The following KSR2 variants were observed in gnomAD, a reference collection of about 807,000 sequenced individuals.
The protein encoded by KSR2 is kinase suppressor of ras 2.
In KSR2, 25 loss-of-function variants were observed where a neutral mutation model predicts 107.8. The ratio of observed to expected loss-of-function variants is 0.23; its 90% CI spans 0.17 to 0.32. The LOEUF (loss-of-function observed/expected upper bound fraction) is 0.32, where lower values mean the gene tolerates loss of function less well. Ranked by LOEUF, KSR2 falls within the 10% of genes least tolerant of loss-of-function variation. KSR2 has a pLI of 1.00. For synonymous variants in KSR2, 480 were observed against 507.0 expected (o/e 0.95, Z 0.71); for missense variants, 887 against 1,268.9 (o/e 0.70, Z 4.57).
At chr12:117,469,979 A>G (rs181289532) in intron 18 of KSR2, among the ~76,000 whole-genome samples, 184 bp from the exon 19 acceptor site, 3 of 149,142 alleles carry the variant, frequency 2.0e-5, no homozygotes, top group East Asian at 4.0e-4. Flanking sequence ...TACCCATCCA[A>G]TCAATTCACT....
intron 4 of KSR2, among the ~76,000 whole-genome samples, chr12:117,668,229 T>C (rs760245295): frequency 3.9e-5 from 6 of 152,232 alleles, no homozygotes; most frequent in Non-Finnish European, 7.3e-5. Flanking sequence ...AAGCCTTCGG[T>C]AGGATCACAG....
intron 1 of KSR2, among the ~76,000 whole-genome samples, chr12:117,893,995 C>T (rs1315695574): frequency 2.6e-5 from 4 of 151,650 alleles, no homozygotes; most frequent in African/African-American, 9.7e-5. Context: ...CTGCAAGCTC[C>T]GCCTCCCGGG....
chr12:117,836,452 A>G (rs1892216879), intron 3 of KSR2, among the ~76,000 whole-genome samples: 2 of 152,224 alleles, frequency 1.3e-5, no homozygotes, highest in South Asian at 4.1e-4. Flanking sequence ...GAGCACAGCA[A>G]AGTCCCGCTC....
At chr12:117,941,766 C>A (rs1451502354) in intron 1 of KSR2, among the ~76,000 whole-genome samples, 1 of 146,162 alleles carries the variant, frequency 6.8e-6, no homozygotes, top group South Asian at 2.2e-4. Context: ...AGCTGGGACT[C>A]GGGCATGTGC....
chr12:117,639,619 C>T (rs1878421), intron 5 of KSR2, among the ~76,000 whole-genome samples: 24,673 of 132,228 alleles, frequency 0.19, 2,147 homozygotes, highest in Middle Eastern at 0.24. Flanking sequence ...CATGAGCCAC[C>T]GCACCCAGCG....
At chr12:117,493,960 C>T (rs1872881679) in intron 14 of KSR2, among the ~76,000 whole-genome samples, 1 of 152,184 alleles carries the variant, frequency 6.6e-6, no homozygotes, top group African/African-American at 2.4e-5. Flanking sequence ...CCTCCCCAGC[C>T]ATAGGGAACT....
intron 3 of KSR2, among the ~76,000 whole-genome samples, chr12:117,814,783 C>T (rs1213749348): frequency 6.6e-6 from 1 of 152,066 alleles, no homozygotes; most frequent in Admixed American, 6.6e-5. Flanking sequence ...GGGTCCTGAA[C>T]CATCTGTACT....
At chr12:117,666,773 C>T (rs1237229536) in intron 5 of KSR2, among the ~76,000 whole-genome samples, 1 of 152,206 alleles carries the variant, frequency 6.6e-6, no homozygotes, top group East Asian at 1.9e-4. Flanking sequence ...AAGTTGCTGT[C>T]TTGGCTGGAG....
intron 11 of KSR2, 86 bp from the exon 12 acceptor site, chr12:117,531,099 C>T: frequency 9.5e-7 from 1 of 1,057,600 alleles, no homozygotes; most frequent in Non-Finnish European, 1.5e-6. Context: ...ACATGGCAGC[C>T]AATTTTTCAC....
rs1330575608 is a variant in KSR2 at position 117,731,439 on chromosome 12, A to AG, written c.986+29571_986+29572insC. On this transcript the variant is annotated intron_variant, in intron 4 of 19. Transcript: ENST00000339824. ...GGTGGGGGGCAGCCCCCGCCCAGCC[A>AG]CCGCCCCGTCCGGGAGGTGGGGGGC... Among the ~76,000 whole-genome samples, 15 of 109,940 alleles carry AG rather than the reference A, an allele frequency of 1.4e-4. No individual in the cohort carries two copies. The South Asian group carries it at 2.2e-3, about 16-fold the overall frequency. The allele number at this position is 109,940 out of a possible 152,430, so 72.1% of individuals were successfully genotyped here.
chr12:117,483,540 G>C (rs1003304055), intron 16 of KSR2, among the ~76,000 whole-genome samples: 10 of 152,094 alleles, frequency 6.6e-5, no homozygotes, highest in Middle Eastern at 3.4e-3. Context: ...GAGAGAGAGA[G>C]AGCGAGAGAG....
intron 14 of KSR2, among the ~76,000 whole-genome samples, chr12:117,490,530 C>T (rs1326549649): frequency 6.6e-6 from 1 of 152,216 alleles, no homozygotes; most frequent in African/African-American, 2.4e-5. Flanking sequence ...ATTGGCACTA[C>T]ATTTCTTTCT....
intron 4 of KSR2, among the ~76,000 whole-genome samples, chr12:117,707,878 T>C (rs10744901): frequency 0.44 from 66,373 of 151,994 alleles, 15,880 homozygotes; most frequent in African/African-American, 0.63. Context: ...CCTGGATCAA[T>C]GATCTCTGGT....
At chr12:117,512,486 A>G (rs1024354388) in intron 14 of KSR2, among the ~76,000 whole-genome samples, 5 of 152,168 alleles carry the variant, frequency 3.3e-5, no homozygotes, top group Non-Finnish European at 5.9e-5. Context: ...GTTAAAGTGC[A>G]TATTCCCAGG....
At chr12:117,793,628 CA>C (rs1157444257) in intron 3 of KSR2, among the ~76,000 whole-genome samples, 128 of 145,068 alleles carry the variant, frequency 8.8e-4, no homozygotes, top group Non-Finnish European at 1.5e-3. Flanking sequence ...CCAACATGCA[CA>C]CTTATCCCAT....
intron 3 of KSR2, among the ~76,000 whole-genome samples, chr12:117,789,944 G>T (rs2136970350): frequency 6.6e-6 from 1 of 152,306 alleles, no homozygotes; most frequent in South Asian, 2.1e-4. Flanking sequence ...TCTGGGAGGA[G>T]ATGACGTTTT....
intron 1 of KSR2, among the ~76,000 whole-genome samples, chr12:117,868,876 G>T (rs1039962789): frequency 7.3e-5 from 11 of 151,658 alleles, no homozygotes; most frequent in Admixed American, 6.6e-4. Context: ...TCAGCCTCCC[G>T]AGTAGGTGGG....
intron 14 of KSR2, among the ~76,000 whole-genome samples, chr12:117,510,539 C>T (rs780865675): frequency 8.5e-5 from 13 of 152,150 alleles, no homozygotes; most frequent in Non-Finnish European, 1.2e-4. Flanking sequence ...GTTGTATTTA[C>T]GTCACCTCCA....
intron 3 of KSR2, among the ~76,000 whole-genome samples, chr12:117,809,393 T>A (rs1891118022): frequency 6.6e-6 from 1 of 151,862 alleles, no homozygotes; most frequent in Non-Finnish European, 1.5e-5. Flanking sequence ...AAAGGCGAAG[T>A]AGCACCCCCA....
Sources: allele counts gnomAD v4.1 joint callset (sites outside exome capture counted in the v4.1 genomes callset), GRCh38; gene constraint gnomAD v4.1.1; transcripts MANE v1.5; gene names NCBI Gene and HGNC (gene_info 2026-07-23, HGNC 2026-07-21).